The following GABRB2 variants were observed in gnomAD, a reference collection of about 807,000 sequenced individuals.
GABRB2 encodes gamma-aminobutyric acid receptor subunit beta-2.
In GABRB2, 16 loss-of-function variants were observed where a neutral mutation model predicts 54.7. The ratio of observed to expected loss-of-function variants is 0.29; its 90% CI spans 0.20 to 0.44. The LOEUF is 0.44. Ranked by LOEUF, GABRB2 falls within the 20% of genes least tolerant of loss-of-function variation. The pLI is 1.00. For missense variants in GABRB2, 355 were observed against 644.0 expected, an observed-to-expected ratio of 0.55 and a Z score of 4.86; for synonymous variants, 244 against 233.8, an observed-to-expected ratio of 1.04 and a Z score of -0.40.
At chr5:161,472,301 T>C (rs150071748) in intron 3 of GABRB2, among the ~76,000 whole-genome samples, 4 of 151,950 alleles carry the variant, frequency 2.6e-5, no homozygotes, top group African/African-American at 9.6e-5. Flanking sequence ...TAGCCCGTGT[T>C]CTTAGTACTA....
intron 4 of GABRB2, among the ~76,000 whole-genome samples, chr5:161,448,330 G>A (rs926272063): frequency 2.0e-5 from 3 of 152,216 alleles, no homozygotes; most frequent in African/African-American, 7.2e-5. Context: ...GGCTGAGGTA[G>A]GAGGTTTGCT....
intron 4 of GABRB2, among the ~76,000 whole-genome samples, chr5:161,437,122 T>C (rs890360071): frequency 1.4e-4 from 21 of 152,084 alleles, no homozygotes; most frequent in African/African-American, 4.3e-4. Flanking sequence ...GACAGTGGAC[T>C]GAGAGAGGGT....
At chr5:161,321,445 C>T (rs141333797) in intron 9 of GABRB2, among the ~76,000 whole-genome samples, 170 of 152,124 alleles carry the variant, frequency 1.1e-3, no homozygotes, top group African/African-American at 3.8e-3. Flanking sequence ...TTTAGTTCTA[C>T]GTGTTATCTT....
chr5:161,363,918 T>A (rs191420716), intron 5 of GABRB2, among the ~76,000 whole-genome samples: 1 of 152,358 alleles, frequency 6.6e-6, no homozygotes, highest in Admixed American at 6.5e-5. Context: ...TTTTAAATAT[T>A]CAGTGTTTTG....
intron 5 of GABRB2, among the ~76,000 whole-genome samples, chr5:161,373,272 G>C (rs1388046226): frequency 1.3e-5 from 2 of 152,108 alleles, no homozygotes; most frequent in East Asian, 3.9e-4. Flanking sequence ...TGGTCTTACT[G>C]TCCCCACACA....
At chr5:161,438,958 G>C (rs1327953667) in intron 4 of GABRB2, among the ~76,000 whole-genome samples, 1 of 152,124 alleles carries the variant, frequency 6.6e-6, no homozygotes, top group African/African-American at 2.4e-5. Flanking sequence ...TTAAAGAGGA[G>C]GTAGAGAGAT....
intron 9 of GABRB2, among the ~76,000 whole-genome samples, chr5:161,319,589 T>A (rs1379369261): frequency 1.3e-5 from 2 of 151,524 alleles, no homozygotes; most frequent in Non-Finnish European, 1.5e-5. Flanking sequence ...TCCCCACTAA[T>A]GTTCACCAGT....
chr5:161,497,518 G>C (rs974823617), intron 3 of GABRB2, among the ~76,000 whole-genome samples: 2 of 128,524 alleles, frequency 1.6e-5, no homozygotes, highest in South Asian at 5.8e-4. Context: ...TTGTGTGTGT[G>C]AGTGTGTGTA....
intron 5 of GABRB2, among the ~76,000 whole-genome samples, chr5:161,364,029 CA>C: frequency 6.6e-6 from 1 of 152,236 alleles, no homozygotes; most frequent in African/African-American, 2.4e-5. Context: ...TGATAAAAAT[CA>C]CATAGTATTT....
Position 161,292,576 on chromosome 5 carries a change from CAGTTATATATTTTTCTGCAATATCAACTG to C in GABRB2, c.*1476_*1504del, listed in dbSNP as rs1183548820. 2 of 152,146 alleles carry C rather than the reference CAGTTATATATTTTTCTGCAATATCAACTG, an allele frequency of 1.3e-5. No individual in the cohort carries two copies. The highest frequency in any genetic ancestry group is 4.8e-5 in the African/African-American group (2 of 41,420). 9.4% of individuals were successfully genotyped at this position (152,146 alleles called of 1,614,324 possible). A position where few individuals can be genotyped will look rare whatever the true frequency, so the allele number is the denominator to read the frequency against. On this transcript the variant is annotated 3_prime_UTR_variant, in exon 10 of 10. Transcript: ENST00000393959. ...AAATACATCATGCCTGCCTGATTAA[CAGTTATATATTTTTCTGCAATATCAACTG>C]AGGCTCATAACATTTATCATGTTAA...
intron 8 of GABRB2, 72 bp downstream of exon 8, chr5:161,330,811 G>T: frequency 1.9e-6 from 3 of 1,590,330 alleles, no homozygotes; most frequent in Non-Finnish European, 1.7e-6. Flanking sequence ...TGCTCAACAA[G>T]GTCATCAACC....
At position 161,546,400 on chromosome 5, in the gene GABRB2, T is replaced by C. The variant is rs1298836533; in HGVS notation, c.91A>G (p.Ser31Gly). 2 of 1,613,820 alleles carry C rather than the reference T, an allele frequency of 1.2e-6. No individual in the cohort carries two copies. Among genetic ancestry groups the C allele is most frequent in the Non-Finnish European group, 1.7e-6 (2 of 1,179,740 alleles). ...GTCTCTTTAACCAGCGACATATTAC[T>C]AGGGTCATTGACACTAAAGAAAGAA... ...AVCAQSVNDP[S>G]NMSLVKETVD... Residue 31 changes from serine to glycine, a missense_variant, in exon 2 of 10, where the codon AGT becomes GGT. Physicochemically the swap from Ser to Gly is moderately conservative, Grantham distance 56. This residue lies in a region of GABRB2 where 42 missense variants were observed against 43.0 expected (regional missense o/e 0.98). Transcript: ENST00000393959.
chr5:161,321,172 C>T (rs990092757), intron 9 of GABRB2, among the ~76,000 whole-genome samples: 4 of 151,952 alleles, frequency 2.6e-5, no homozygotes, highest in African/African-American at 9.7e-5. Context: ...TAATGGTGAT[C>T]TATGTTATCT....
intron 5 of GABRB2, among the ~76,000 whole-genome samples, chr5:161,353,987 G>A (rs978544246): frequency 2.0e-5 from 3 of 151,918 alleles, no homozygotes; most frequent in African/African-American, 4.8e-5. Flanking sequence ...ATAGAGCTAC[G>A]GTTTTACACA....
At chr5:161,412,693 T>C (rs555850089) in intron 4 of GABRB2, among the ~76,000 whole-genome samples, 2 of 152,132 alleles carry the variant, frequency 1.3e-5, no homozygotes, top group Admixed American at 1.3e-4. Flanking sequence ...TCAATATCTT[T>C]CGGCCTTCTT....
chr5:161,487,547 T>C (rs927541009), intron 3 of GABRB2, among the ~76,000 whole-genome samples: 12 of 151,920 alleles, frequency 7.9e-5, no homozygotes, highest in African/African-American at 2.9e-4. Context: ...TTTAGAAAGG[T>C]TGTTAAATGT....
At chr5:161,501,181 A>G (rs1313645337) in intron 3 of GABRB2, among the ~76,000 whole-genome samples, 1 of 152,162 alleles carries the variant, frequency 6.6e-6, no homozygotes, top group Non-Finnish European at 1.5e-5. Flanking sequence ...TAAATTATAA[A>G]ACTATCTAGA....
chr5:161,525,087 T>C (rs1018578496), intron 3 of GABRB2, among the ~76,000 whole-genome samples: 1 of 151,330 alleles, frequency 6.6e-6, no homozygotes, highest in Non-Finnish European at 1.5e-5. Context: ...TTGCAAGCCA[T>C]ATAGTCTCTC....
At position 161,459,836 on chromosome 5, in the gene GABRB2, G is replaced by A; in HGVS notation, c.246C>T (p.Thr82=). The A allele has an allele frequency of 1.9e-6, 3 of 1,605,700 alleles. No individual in the cohort carries two copies. Among genetic ancestry groups the A allele is most frequent in the Non-Finnish European group, 2.6e-6 (3 of 1,172,660 alleles). ...AGGCTTGTTGAAAGTACATTGTCAAGGTATAATCCTGTAAATGTGAGAAAA... is the reference window on the plus strand; with the variant it reads ...AGGCTTGTTGAAAGTACATTGTCAAAGTATAATCCTGTAAATGTGAGAAAA... ...DMVSEVNMDY[T]LTMYFQQAWR... The change falls in exon 4 of 10, where the codon ACC becomes ACT. Residue 82 remains threonine (T), a synonymous_variant. Coordinates refer to ENST00000393959, the MANE Select transcript of GABRB2 (RefSeq NM_001371727.1).
Sources: allele counts gnomAD v4.1 joint callset (sites outside exome capture counted in the v4.1 genomes callset), GRCh38; gene constraint gnomAD v4.1.1; regional missense constraint gnomAD v4.1.1; transcripts MANE v1.5; gene names NCBI Gene and HGNC (gene_info 2026-07-23, HGNC 2026-07-21).